The following BAZ2B variants were observed in gnomAD, a reference collection of about 807,000 sequenced individuals.
BAZ2B encodes bromodomain adjacent to zinc finger domain protein 2B.
Under a neutral mutation model 246.0 loss-of-function variants are expected in BAZ2B, and 91 were observed. The ratio of observed to expected loss-of-function variants is 0.37; its 90% CI spans 0.31 to 0.44. The LOEUF is 0.44. BAZ2B is among the 20% of genes least tolerant of loss of function. The pLI, the probability that BAZ2B is intolerant of heterozygous loss-of-function variation, is 1.00. For missense variants in BAZ2B, 2,332 were observed against 2,533.7 expected, an observed-to-expected ratio of 0.92 and a Z score of 1.71; for synonymous variants, 855 against 860.0, an observed-to-expected ratio of 0.99 and a Z score of 0.10.
At chr2:159,457,851 C>T (rs988921291) in intron 3 of BAZ2B, among the ~76,000 whole-genome samples, 8 of 152,086 alleles carry the variant, frequency 5.3e-5, no homozygotes, top group Non-Finnish European at 1.2e-4. Flanking sequence ...TGTCTACTTC[C>T]TCCTCACTTC....
chr2:159,437,019 T>C (rs561709820), intron 8 of BAZ2B, among the ~76,000 whole-genome samples: 14 of 152,328 alleles, frequency 9.2e-5, no homozygotes, highest in African/African-American at 3.4e-4. Context: ...AAATGTCTAA[T>C]TTTATCATCT....
At chr2:159,496,637 C>A (rs2081185111) in intron 2 of BAZ2B, among the ~76,000 whole-genome samples, 1 of 150,922 alleles carries the variant, frequency 6.6e-6, no homozygotes, top group Admixed American at 6.6e-5. Flanking sequence ...ACAAAATTAG[C>A]CGGGCATGGT....
chr2:159,619,038 A>G (rs1573847788), upstream of BAZ2B, among the ~76,000 whole-genome samples: 1 of 151,922 alleles, frequency 6.6e-6, no homozygotes, highest in South Asian at 2.1e-4. Context: ...GAAACCTGTG[A>G]AAAAAAATAA....
chr2:159,395,539 A>G, intron 20 of BAZ2B: 1 of 353,378 alleles, frequency 2.8e-6, no homozygotes, highest in Non-Finnish European at 5.1e-6. Context: ...ACTACACTAA[A>G]AAAAGACAAT....
chr2:159,704,840 C>T, the BAZ2B span, among the ~76,000 whole-genome samples: 2 of 151,958 alleles, frequency 1.3e-5, no homozygotes, highest in Non-Finnish European at 2.9e-5. Context: ...GTAGCTGGGA[C>T]TACAGGTGCC....
chr2:159,668,224 T>C, the BAZ2B span, among the ~76,000 whole-genome samples: 4 of 152,234 alleles, frequency 2.6e-5, no homozygotes, highest in African/African-American at 9.6e-5. Context: ...ACATTGTTAA[T>C]TCATTCACTT....
Position 159,324,956 on chromosome 2 carries a change from T to C in BAZ2B, c.6210-2A>G. On this transcript the variant is annotated splice_acceptor_variant, in intron 35 of 36. Coordinates refer to ENST00000392783, the MANE Select transcript of BAZ2B (RefSeq NM_013450.4). LOFTEE classifies it high-confidence loss of function. ...GTTTCCATTTCAGTCAGAATCATAC[T>C]AAAGAAAATAATGTTTGAAATCAGT... 6.6e-7 allele frequency: 1 copy of C among 1,508,026 alleles called. No individual in the cohort carries two copies. The allele number at this position is 1,508,026 out of a possible 1,614,324, so 93.4% of individuals were successfully genotyped here.
At chr2:159,392,035 C>T (rs1293227577) in intron 20 of BAZ2B, 1 of 152,212 alleles carries the variant, frequency 6.6e-6, no homozygotes, top group African/African-American at 2.4e-5. Context: ...AAGCCAGTCA[C>T]AATCTAGCCC....
intron 13 of BAZ2B, among the ~76,000 whole-genome samples, chr2:159,413,513 G>T (rs923410332): frequency 3.9e-5 from 6 of 152,046 alleles, no homozygotes; most frequent in African/African-American, 1.4e-4. Flanking sequence ...TTCGAGACCA[G>T]CCTGGCCAAC....
chr2:159,700,933 G>C, the BAZ2B span, among the ~76,000 whole-genome samples: 1 of 152,070 alleles, frequency 6.6e-6, no homozygotes, highest in African/African-American at 2.4e-5. Context: ...ATTTTTATTA[G>C]AGAAAGATGT....
At chr2:159,575,081 C>CA (rs1684983678) in intron 1 of BAZ2B, among the ~76,000 whole-genome samples, 2 of 152,216 alleles carry the variant, frequency 1.3e-5, no homozygotes, top group African/African-American at 4.8e-5. Context: ...AAGCCAGTCA[C>CA]AAAAAACCAT....
At chr2:159,341,856 ACACAG>A (rs1386221895) in intron 31 of BAZ2B, among the ~76,000 whole-genome samples, 5 of 152,250 alleles carry the variant, frequency 3.3e-5, no homozygotes, top group Non-Finnish European at 5.9e-5. Flanking sequence ...AATGTATGGG[ACACAG>A]CAAAGGCAGT....
chr2:159,320,944 T>C (rs2062646508), intron 36 of BAZ2B, among the ~76,000 whole-genome samples: 1 of 152,340 alleles, frequency 6.6e-6, no homozygotes, highest in East Asian at 1.9e-4. Flanking sequence ...CTTCTCTTCA[T>C]ATGTGCTCTT....
At chr2:159,631,987 T>C in the BAZ2B span, among the ~76,000 whole-genome samples, 1 of 152,294 alleles carries the variant, frequency 6.6e-6, no homozygotes, top group East Asian at 1.9e-4. Flanking sequence ...TTAACAGTTA[T>C]AGGTAAGCTG....
At chr2:159,433,712 T>C (rs2071585215) in intron 8 of BAZ2B, 1 of 175,190 alleles carries the variant, frequency 5.7e-6, no homozygotes, top group South Asian at 1.4e-4. Context: ...AAATACTGTT[T>C]ATTCTTCAAG....
chr2:159,510,304 C>T (rs1439915754), intron 2 of BAZ2B, among the ~76,000 whole-genome samples: 2 of 152,130 alleles, frequency 1.3e-5, no homozygotes, highest in Non-Finnish European at 2.9e-5. Context: ...GCTGGGACCA[C>T]AGGCGTGTGC....
At chr2:159,566,794 G>C (rs2151535233) in intron 1 of BAZ2B, among the ~76,000 whole-genome samples, 1 of 152,222 alleles carries the variant, frequency 6.6e-6, no homozygotes, top group Non-Finnish European at 1.5e-5. Flanking sequence ...CTAATTATAA[G>C]ATCCTTTTAA....
At chr2:159,696,104 G>C in the BAZ2B span, among the ~76,000 whole-genome samples, 1 of 151,952 alleles carries the variant, frequency 6.6e-6, no homozygotes, top group African/African-American at 2.4e-5. Flanking sequence ...GGGGGTTATA[G>C]GTATTTTCAC....
At chr2:159,580,136 T>C (rs966918779) in intron 1 of BAZ2B, among the ~76,000 whole-genome samples, 11 of 152,240 alleles carry the variant, frequency 7.2e-5, no homozygotes, top group African/African-American at 2.7e-4. Flanking sequence ...ATTGTCCCTG[T>C]TTGCAGATGA....
Sources: allele counts gnomAD v4.1 joint callset (sites outside exome capture counted in the v4.1 genomes callset), GRCh38; gene constraint gnomAD v4.1.1; transcripts MANE v1.5; gene names NCBI Gene and HGNC (gene_info 2026-07-23, HGNC 2026-07-21).